The following AVEN variants were observed in gnomAD, a reference collection of about 807,000 sequenced individuals.
AVEN encodes the protein cell death regulator Aven.
Under a neutral mutation model 38.1 loss-of-function variants are expected in AVEN, and 41 were observed. That is an observed-to-expected ratio of 1.08 (90% CI 0.84 to 1.40). AVEN has a LOEUF of 1.40. Among genes scored for constraint, AVEN ranks in the 40% most tolerant of loss-of-function variants. AVEN has a pLI of 0.00. For synonymous variants in AVEN, 206 were observed against 171.8 expected, an observed-to-expected ratio of 1.20 and a Z score of -1.56; for missense variants, 605 against 438.8, an observed-to-expected ratio of 1.38 and a Z score of -3.38.
At chr15:34,059,342 T>A (rs1900261480) in intron 5 of AVEN, among the ~76,000 whole-genome samples, 1 of 152,190 alleles carries the variant, frequency 6.6e-6, no homozygotes, top group African/African-American at 2.4e-5. Flanking sequence ...AAAAATTAAA[T>A]CCTTCCAAAA....
intron 2 of AVEN, among the ~76,000 whole-genome samples, chr15:33,944,135 T>C (rs1894421397): frequency 6.6e-6 from 1 of 152,212 alleles, no homozygotes; most frequent in Non-Finnish European, 1.5e-5. Flanking sequence ...AGGAACCTAC[T>C]GAATAAAGTT....
chr15:34,006,197 G>A (rs1380403570), intron 1 of AVEN, among the ~76,000 whole-genome samples: 1 of 152,060 alleles, frequency 6.6e-6, no homozygotes, highest in Non-Finnish European at 1.5e-5. Flanking sequence ...TGTAGTCCCA[G>A]CTACTCAGGA....
At chr15:33,927,442 A>AT (rs1893664528) in intron 2 of AVEN, among the ~76,000 whole-genome samples, 1 of 152,182 alleles carries the variant, frequency 6.6e-6, no homozygotes, top group African/African-American at 2.4e-5. Context: ...CATCTCAATG[A>AT]TTCTCCAGTG....
intron 2 of AVEN, among the ~76,000 whole-genome samples, chr15:33,905,831 A>G (rs112685474): frequency 1.8e-5 from 1 of 54,714 alleles, no homozygotes; most frequent in Non-Finnish European, 4.3e-5. Flanking sequence ...GGAAAGAAAA[A>G]AAAAAAAAAA....
chr15:33,862,920 A>C (rs1163496524), downstream of AVEN, among the ~76,000 whole-genome samples: 2 of 152,250 alleles, frequency 1.3e-5, no homozygotes, highest in East Asian at 1.9e-4. Context: ...CCCGGCCTCA[A>C]AAACTTGAGT....
chr15:33,861,060 G>A, intron 11 of AVEN: 4 of 1,544,228 alleles, frequency 2.6e-6, no homozygotes, highest in Non-Finnish European at 3.5e-6. Context: ...TGCCTTTTCT[G>A]CCTGTTATTT....
At chr15:33,966,723 G>A (rs190658147) in intron 2 of AVEN, among the ~76,000 whole-genome samples, 1 of 152,234 alleles carries the variant, frequency 6.6e-6, no homozygotes, top group Admixed American at 6.5e-5. Context: ...TGAGGGTGTG[G>A]CACACAAGTT....
intron 1 of AVEN, among the ~76,000 whole-genome samples, chr15:34,015,986 C>A (rs138946721): frequency 6.6e-6 from 1 of 152,102 alleles, no homozygotes; most frequent in African/African-American, 2.4e-5. Flanking sequence ...TGACATAAAA[C>A]TGGAAAGCGG....
intron 2 of AVEN, chr15:33,883,562 A>G (rs1891579962): frequency 6.6e-6 from 1 of 152,086 alleles, no homozygotes; most frequent in Non-Finnish European, 1.5e-5. Flanking sequence ...TATAGTATGA[A>G]TGATACATAT....
chr15:33,912,993 G>C (rs1429706453), intron 2 of AVEN, among the ~76,000 whole-genome samples: 1 of 151,554 alleles, frequency 6.6e-6, no homozygotes, highest in Non-Finnish European at 1.5e-5. Flanking sequence ...GGGTTCGAGT[G>C]ATTCTCCTGC....
downstream of AVEN, among the ~76,000 whole-genome samples, chr15:33,864,376 A>T (rs1378105534): frequency 6.6e-6 from 1 of 151,560 alleles, no homozygotes; most frequent in Non-Finnish European, 1.5e-5. Context: ...ACAAACACTG[A>T]CATTTTCTAA....
At chr15:34,008,767 C>T (rs1455678665) in intron 1 of AVEN, among the ~76,000 whole-genome samples, 2 of 152,030 alleles carry the variant, frequency 1.3e-5, no homozygotes, top group African/African-American at 4.8e-5. Context: ...GGATTACAGG[C>T]GTGAGCCACC....
At chr15:34,060,212 A>G (rs1900289540) in intron 5 of AVEN, among the ~76,000 whole-genome samples, 1 of 152,178 alleles carries the variant, frequency 6.6e-6, no homozygotes, top group African/African-American at 2.4e-5. Context: ...ACACCGAGGT[A>G]TTATAGGTAT....
the AVEN span, chr15:33,853,745 T>C: frequency 1.4e-4 from 221 of 1,559,938 alleles, no homozygotes; most frequent in Middle Eastern, 5.4e-3. Flanking sequence ...TGCTTTTCCA[T>C]AGGAAAAAAT....
intron 1 of AVEN, among the ~76,000 whole-genome samples, chr15:34,017,877 A>G (rs1247400743): frequency 6.6e-6 from 1 of 152,138 alleles, no homozygotes; most frequent in African/African-American, 2.4e-5. Context: ...CATATTTACA[A>G]CAGTGGTCCC....
chr15:33,891,981 T>G lies in AVEN; in HGVS notation c.446-15986A>C, dbSNP rs190231567. On this transcript the variant is annotated intron_variant, in intron 2 of 5. Coordinates refer to ENST00000306730, the MANE Select transcript of AVEN (RefSeq NM_020371.3). ...TGATTTGCATTTCTCTGATGACCAGTGATGATGAGCATTTTTTCGTGTGTC... is the reference window on the plus strand; with the variant it reads ...TGATTTGCATTTCTCTGATGACCAGGGATGATGAGCATTTTTTCGTGTGTC... Among the ~76,000 whole-genome samples, 370 of 152,388 alleles carry G rather than the reference T, an allele frequency of 2.4e-3. 2 individuals carry two copies. The highest frequency in any genetic ancestry group is 8.6e-3 in the African/African-American group (357 of 41,598).
At chr15:34,016,576 T>C (rs1281850483) in intron 1 of AVEN, among the ~76,000 whole-genome samples, 4 of 152,152 alleles carry the variant, frequency 2.6e-5, no homozygotes, top group Non-Finnish European at 5.9e-5. Flanking sequence ...ACCTGAATCT[T>C]TAAAAAATAT....
intron 5 of AVEN, among the ~76,000 whole-genome samples, chr15:34,052,048 A>C (rs1481439382): frequency 6.6e-6 from 1 of 152,210 alleles, no homozygotes; most frequent in African/African-American, 2.4e-5. Flanking sequence ...AACAAAAAAA[A>C]GAAAACTTCA....
downstream of AVEN, among the ~76,000 whole-genome samples, chr15:33,861,483 T>G (rs1359471007): frequency 1.3e-5 from 2 of 151,622 alleles, no homozygotes; most frequent in East Asian, 3.9e-4. Flanking sequence ...AAATATGCTT[T>G]TTTTTTTTTA....
Sources: gnomAD v4.1 joint callset for allele counts (sites outside exome capture counted in the v4.1 genomes callset) on GRCh38, gnomAD v4.1.1 for gene constraint, MANE v1.5 for transcripts, NCBI Gene and HGNC (gene_info 2026-07-23, HGNC 2026-07-21) for gene names.